FOXB1: variants seen among roughly 807,000 people sequenced by gnomAD.
FOXB1 encodes the protein forkhead box B1, also known as forkhead box protein B1.
In FOXB1, 6 loss-of-function variants were observed where a neutral mutation model predicts 18.6. The ratio of observed to expected loss-of-function variants is 0.32; its 90% CI spans 0.18 to 0.64. FOXB1 has a LOEUF of 0.64. FOXB1 is among the 30% of genes least tolerant of loss of function. The probability of loss-of-function intolerance (pLI) is 0.78; values close to 1 mark genes in which losing one functional copy is unlikely to be tolerated. For synonymous variants in FOXB1, 213 were observed against 216.0 expected, an observed-to-expected ratio of 0.99 and a Z score of 0.12; for missense variants, 419 against 463.6, an observed-to-expected ratio of 0.90 and a Z score of 0.88.
In FOXB1 at chr15:60,005,250, T is replaced by C; in HGVS notation, c.287T>C (p.Met96Thr). ...GCGCTGCACCCAAGCTGCGGGGACA[T>C]GTTCGAGAACGGCAGCTTCCTGCGG... Reference protein sequence around the residue: ...FWALHPSCGDMFENGSFLRRR... With the variant: ...FWALHPSCGDTFENGSFLRRR... The change falls in exon 2 of 2, where the codon ATG becomes ACG. Residue 96 changes from methionine (M) to threonine (T), a missense_variant. Met to Thr is a moderately conservative substitution (Grantham distance 81). Coordinates refer to ENST00000396057, the MANE Select transcript of FOXB1 (RefSeq NM_012182.3). The surrounding 1 kb of genome is among the most constrained non-coding windows in gnomAD (Gnocchi z 9.8). 1.2e-6 allele frequency: 2 copies of C among 1,614,056 alleles called. No individual in the cohort carries two copies. The highest frequency in any genetic ancestry group is 1.1e-5 in the South Asian group (1 of 91,064).
In FOXB1 at chr15:60,006,147, A is replaced by G. The variant is rs1257740155; in HGVS notation, c.*206A>G. 6.2e-6 allele frequency: 4 copies of G among 640,012 alleles called. No homozygotes were observed. The highest frequency in any genetic ancestry group is 3.9e-5 in the African/African-American group (2 of 51,674). 39.6% of individuals were successfully genotyped at this position (640,012 alleles called of 1,614,324 possible). ...GCAGATGGGCCGAGAGGCGCGTGGGAGTTGTCCTCGCCCCCACATCAAGGA... is the reference window on the plus strand; with the variant it reads ...GCAGATGGGCCGAGAGGCGCGTGGGGGTTGTCCTCGCCCCCACATCAAGGA... On this transcript the variant is annotated 3_prime_UTR_variant, in exon 2 of 2. Transcript: ENST00000396057.
Position 60,005,417 on chromosome 15 carries a change from G to C in FOXB1, c.454G>C (p.Ala152Pro). ...ASGTHLPQMP[A>P]AAYNLGGVAQ... is the part of the protein sequence containing the mutation. ...GGGCACGCACCTGCCACAGATGCCC[G>C]CCGCCGCCTACAACTTGGGCGGCGT... The change falls in exon 2 of 2, where the codon GCC becomes CCC. Residue 152 changes from alanine (A) to proline (P), a missense_variant. Ala to Pro is a conservative substitution (Grantham distance 27, BLOSUM62 -1). Coordinates refer to ENST00000396057, the MANE Select transcript of FOXB1 (RefSeq NM_012182.3). This position sits in a 1 kb window ranked among gnomAD's most constrained non-coding sequence, Gnocchi z 9.8. 4 of 1,607,134 alleles carry C rather than the reference G, an allele frequency of 2.5e-6. No individual in the cohort carries two copies. The highest frequency in any genetic ancestry group is 3.4e-6 in the Non-Finnish European group (4 of 1,177,672).
rs1198609343 is a variant in FOXB1 at position 60,005,200 on chromosome 15, C to T, written c.237C>T (p.Asp79=). The stretch of plus-strand genomic sequence containing the variant: ...TCATCAAGATCCCGCGGCGGCCGGA[C>T]CAGCCAGGCAAGGGCAGCTTCTGGG... ...DCFIKIPRRP[D]QPGKGSFWAL... The change falls in exon 2 of 2, where the codon GAC becomes GAT. Residue 79 remains aspartate, a synonymous_variant. Transcript: ENST00000396057. This position sits in a 1 kb window ranked among gnomAD's most constrained non-coding sequence, Gnocchi z 9.8. 1 of 1,614,200 alleles carries T rather than the reference C, an allele frequency of 6.2e-7. No individual in the cohort carries two copies. Among genetic ancestry groups the T allele is most frequent in the Non-Finnish European group, 8.5e-7 (1 of 1,180,048 alleles).
chr15:60,005,059 G>T lies in FOXB1; in HGVS notation c.96G>T (p.Lys32Asn), dbSNP rs1179162865. 1 of 1,606,478 alleles carries T rather than the reference G, an allele frequency of 6.2e-7. No individual in the cohort carries two copies. Among genetic ancestry groups the T allele is most frequent in the Non-Finnish European group, 8.5e-7 (1 of 1,176,986 alleles). The change falls in exon 2 of 2, where the codon AAG (lysine) becomes AAT (asparagine). Residue 32 changes from lysine to asparagine, a missense_variant. This residue lies in a region of FOXB1 where 153 missense variants were observed against 173.8 expected (regional missense o/e 0.88). Coordinates refer to ENST00000396057, the MANE Select transcript of FOXB1 (RefSeq NM_012182.3). The surrounding 1 kb of genome is among the most constrained non-coding windows in gnomAD (Gnocchi z 9.8). Reference sequence around the variant, plus strand: ...TGGCCATCCAGAGCTCTCCCGAGAAGATGCTGCCGCTGAGCGAGATCTACA... The same window carrying T: ...TGGCCATCCAGAGCTCTCCCGAGAATATGCTGCCGCTGAGCGAGATCTACA... ...TAMAIQSSPE[K>N]MLPLSEIYKF...
rs972478504 is a variant in FOXB1, at chr15:60,006,297, G to C, written c.*356G>C. 1.8e-5 allele frequency: 6 copies of C among 332,232 alleles called. No homozygotes were observed. Among genetic ancestry groups the C allele is most frequent in the African/African-American group, 1.1e-4 (5 of 46,046 alleles). 20.6% of individuals were successfully genotyped at this position (332,232 alleles called of 1,614,324 possible). A position where few individuals can be genotyped will look rare whatever the true frequency, so the allele number is the denominator to read the frequency against. ...GAAAAGCGCGTCTTCCCTCCGCCCA[G>C]ATCGGCGGAGCCCCGAACTCTGCGC... On this transcript the variant is annotated 3_prime_UTR_variant, in exon 2 of 2. Coordinates refer to ENST00000396057, the MANE Select transcript of FOXB1 (RefSeq NM_012182.3).
rs1567133629 is a variant in FOXB1, at chr15:60,005,276, C to T, written c.313C>T (p.Arg105Cys). Reference sequence around the variant, plus strand: ...GTTCGAGAACGGCAGCTTCCTGCGGCGCCGCAAGCGCTTCAAGGTGCTTAA... The same window carrying T: ...GTTCGAGAACGGCAGCTTCCTGCGGTGCCGCAAGCGCTTCAAGGTGCTTAA... ...DMFENGSFLR[R>C]RKRFKVLKSD... is the part of the protein sequence containing the mutation. Residue 105 changes from arginine to cysteine, a missense_variant, in exon 2 of 2, where the codon CGC becomes TGC. By Grantham distance (180) the Arg-to-Cys change is radical (BLOSUM62 -3). Transcript: ENST00000396057. The surrounding 1 kb of genome is among the most constrained non-coding windows in gnomAD (Gnocchi z 9.8). 2 of 1,613,658 alleles carry T rather than the reference C, an allele frequency of 1.2e-6. No homozygotes were observed. Among genetic ancestry groups the T allele is most frequent in the South Asian group, 1.1e-5 (1 of 91,066 alleles).
At position 60,005,188 on chromosome 15, in the gene FOXB1, G is replaced by A; in HGVS notation, c.225G>A (p.Pro75=). ...LSFNDCFIKI[P]RRPDQPGKGS... is the part of the protein sequence containing the mutation. ...TCAACGACTGCTTCATCAAGATCCC[G>A]CGGCGGCCGGACCAGCCAGGCAAGG... is the stretch of plus-strand genomic sequence containing the variant. Residue 75 remains proline (P), a synonymous_variant, in exon 2 of 2, where the codon CCG becomes CCA. Coordinates refer to ENST00000396057, the MANE Select transcript of FOXB1 (RefSeq NM_012182.3). This position sits in a 1 kb window ranked among gnomAD's most constrained non-coding sequence, Gnocchi z 9.8. 1.9e-6 allele frequency: 3 copies of A among 1,614,228 alleles called. No individual in the cohort carries two copies. Among genetic ancestry groups the A allele is most frequent in the Non-Finnish European group, 2.5e-6 (3 of 1,180,042 alleles).
rs1330597463 is a variant in FOXB1 at position 60,004,984 on chromosome 15, C to T, written c.21C>T (p.Asn7=). The T allele has an allele frequency of 1.2e-6, 2 of 1,613,266 alleles. No individual in the cohort carries two copies. Among genetic ancestry groups the T allele is most frequent in the South Asian group, 1.1e-5 (1 of 91,024 alleles). The change falls in exon 2 of 2, where the codon AAC becomes AAT. Residue 7 remains asparagine (N), a synonymous_variant. Coordinates refer to ENST00000396057, the MANE Select transcript of FOXB1 (RefSeq NM_012182.3). The part of the protein sequence containing the change: MPRPGR[N]TYSDQKPPYS... ...AGAAGATGCCTCGGCCCGGCCGCAACACGTACAGCGACCAGAAGCCGCCCT... is the reference window on the plus strand; with the variant it reads ...AGAAGATGCCTCGGCCCGGCCGCAATACGTACAGCGACCAGAAGCCGCCCT...
In FOXB1 at chr15:60,005,606, T is replaced by C; in HGVS notation, c.643T>C (p.Trp215Arg). 1 of 1,607,478 alleles carries C rather than the reference T, an allele frequency of 6.2e-7. No homozygotes were observed. Among genetic ancestry groups the C allele is most frequent in the South Asian group, 1.1e-5 (1 of 90,252 alleles). The change falls in exon 2 of 2, where the codon TGG (tryptophan) becomes CGG (arginine). Residue 215 changes from tryptophan to arginine, a missense_variant. By Grantham distance (101) the Trp-to-Arg change is moderately radical. Coordinates refer to ENST00000396057, the MANE Select transcript of FOXB1 (RefSeq NM_012182.3). The surrounding 1 kb of genome is among the most constrained non-coding windows in gnomAD (Gnocchi z 9.8). ...CATGGGCAGCTCGCTGGGCACCGGC[T>C]GGCCACACGTGTATGGCTCCGCCGG... The part of the protein sequence containing the change: ...TTMGSSLGTG[W>R]PHVYGSAGMI...
rs748743103 is a variant in FOXB1, at chr15:60,006,046, G to A, written c.*105G>A. On this transcript the variant is annotated 3_prime_UTR_variant, in exon 2 of 2. Coordinates refer to ENST00000396057, the MANE Select transcript of FOXB1 (RefSeq NM_012182.3). ...CCACCTGGGACCGCCACCCTAACTT[G>A]TTCATTTCACCTTCGGCCAACCCGC... 111 of 1,351,494 alleles carry A rather than the reference G, an allele frequency of 8.2e-5. No individual in the cohort carries two copies. The highest frequency in any genetic ancestry group is 1.7e-4 in the Admixed American group (6 of 36,338). The allele number at this position is 1,351,494 out of a possible 1,614,324, so 83.7% of individuals were successfully genotyped here.
Position 60,004,608 on chromosome 15 carries a change from C to T in FOXB1, c.-93C>T. On this transcript the variant is annotated 5_prime_UTR_variant, in exon 1 of 2. Transcript: ENST00000396057. Reference sequence around the variant, plus strand: ...GAGAAGCGGCGCGCAGCGGCGTCCTCCCGGATGCGGACGCGCAACTTGAAG... The same window carrying T: ...GAGAAGCGGCGCGCAGCGGCGTCCTTCCGGATGCGGACGCGCAACTTGAAG... 1 of 193,458 alleles carries T rather than the reference C, an allele frequency of 5.2e-6. No homozygotes were observed. Among genetic ancestry groups the T allele is most frequent in the Non-Finnish European group, 1.0e-5 (1 of 95,754 alleles). The allele number at this position is 193,458 out of a possible 1,614,324, so 12.0% of individuals were successfully genotyped here. A position where few individuals can be genotyped will look rare whatever the true frequency, so the allele number is the denominator to read the frequency against.
At position 60,005,776 on chromosome 15, in the gene FOXB1, C is replaced by T. The variant is rs779542445; in HGVS notation, c.813C>T (p.Pro271=). Residue 271 remains proline (P), a synonymous_variant, in exon 2 of 2, where the codon CCC becomes CCT. Transcript: ENST00000396057. The surrounding 1 kb of genome is among the most constrained non-coding windows in gnomAD (Gnocchi z 9.8). ...VPIKPTPAAV[P]ALPALPAPIP... is the part of the protein sequence containing the mutation. ...TTAAGCCCACGCCGGCCGCCGTGCC[C>T]GCGCTGCCTGCGCTGCCAGCGCCCA... The T allele has an allele frequency of 1.0e-5, 16 of 1,602,756 alleles. No homozygotes were observed. The highest frequency in any genetic ancestry group is 1.3e-5 in the Non-Finnish European group (15 of 1,177,196).
chr15:60,004,741 C>T, intron 1 of FOXB1, 98 bp downstream of exon 1: 1 of 574,528 alleles, frequency 1.7e-6, no homozygotes, highest in Non-Finnish European at 3.1e-6. Flanking sequence ...TCCCCTCCCG[C>T]GCCCACTAAG....
rs1892088493 is a variant in FOXB1 at position 60,005,798 on chromosome 15, C to G, written c.835C>G (p.Pro279Ala). The change falls in exon 2 of 2, where the codon CCC becomes GCC. Residue 279 changes from proline to alanine, a missense_variant. By Grantham distance (27) the Pro-to-Ala change is conservative (BLOSUM62 -1). Transcript: ENST00000396057. The surrounding 1 kb of genome is among the most constrained non-coding windows in gnomAD (Gnocchi z 9.8). The part of the protein sequence containing the change: ...AVPALPALPA[P>A]IPTLLSNSPP... ...GCCCGCGCTGCCTGCGCTGCCAGCG[C>G]CCATCCCCACCTTGCTCTCGAACTC... The G allele has an allele frequency of 6.2e-7, 1 of 1,605,528 alleles. No homozygotes were observed. The highest frequency in any genetic ancestry group is 1.3e-5 in the African/African-American group (1 of 74,924).
At position 60,006,301 on chromosome 15, in the gene FOXB1, G is replaced by A. The variant is rs563235216; in HGVS notation, c.*360G>A. 3.4e-5 allele frequency: 11 copies of A among 321,004 alleles called. No homozygotes were observed. The highest frequency in any genetic ancestry group is 3.0e-4 in the South Asian group (4 of 13,462). 19.9% of individuals were successfully genotyped at this position (321,004 alleles called of 1,614,324 possible). A position where few individuals can be genotyped will look rare whatever the true frequency, so the allele number is the denominator to read the frequency against. ...AGCGCGTCTTCCCTCCGCCCAGATC[G>A]GCGGAGCCCCGAACTCTGCGCAGTT... is the stretch of plus-strand genomic sequence containing the variant. On this transcript the variant is annotated 3_prime_UTR_variant, in exon 2 of 2. Coordinates refer to ENST00000396057, the MANE Select transcript of FOXB1 (RefSeq NM_012182.3).
intron 1 of FOXB1, 57 bp from the exon 2 acceptor site, chr15:60,004,850 C>T: frequency 1.3e-6 from 1 of 770,386 alleles, no homozygotes; most frequent in Non-Finnish European, 1.8e-6. Flanking sequence ...CTGGCTGACC[C>T]CGCCGGTGTC....
In FOXB1 at chr15:60,004,587, A is replaced by C; in HGVS notation, c.-114A>C. ...CGCGTCGAGTGCGCGCCGAGAGAGA[A>C]GCGGCGCGCAGCGGCGTCCTCCCGG... On this transcript the variant is annotated 5_prime_UTR_variant, in exon 1 of 2. Coordinates refer to ENST00000396057, the MANE Select transcript of FOXB1 (RefSeq NM_012182.3). 2.1e-4 allele frequency: 36 copies of C among 169,726 alleles called. No homozygotes were observed. Among genetic ancestry groups the C allele is most frequent in the Non-Finnish European group, 3.7e-4 (30 of 80,084 alleles). 10.5% of individuals were successfully genotyped at this position (169,726 alleles called of 1,614,324 possible). A position where few individuals can be genotyped will look rare whatever the true frequency, so the allele number is the denominator to read the frequency against.
At position 60,006,016 on chromosome 15, in the gene FOXB1, G is replaced by A. The variant is rs2142156665; in HGVS notation, c.*75G>A. Reference sequence around the variant, plus strand: ...GCCTTCCCTGGCTCCCAGTCCTGCCGGCCCCCACCTGGGACCGCCACCCTA... The same window carrying A: ...GCCTTCCCTGGCTCCCAGTCCTGCCAGCCCCCACCTGGGACCGCCACCCTA... On this transcript the variant is annotated 3_prime_UTR_variant, in exon 2 of 2. Coordinates refer to ENST00000396057, the MANE Select transcript of FOXB1 (RefSeq NM_012182.3). 1 of 1,452,528 alleles carries A rather than the reference G, an allele frequency of 6.9e-7. No individual in the cohort carries two copies. The highest frequency in any genetic ancestry group is 9.1e-7 in the Non-Finnish European group (1 of 1,097,968). The allele number at this position is 1,452,528 out of a possible 1,614,324, so 90.0% of individuals were successfully genotyped here.
chr15:60,004,927 C>G lies in FOXB1; in HGVS notation c.-37C>G, dbSNP rs200748843. The G allele has an allele frequency of 4.9e-5, 78 of 1,582,730 alleles. No individual in the cohort carries two copies. The highest frequency in any genetic ancestry group is 6.4e-5 in the Non-Finnish European group (74 of 1,164,564). On this transcript the variant is annotated 5_prime_UTR_variant, in exon 2 of 2. Coordinates refer to ENST00000396057, the MANE Select transcript of FOXB1 (RefSeq NM_012182.3). ...CCCAGATCCGAGCAGTCCGCCGGCC[C>G]GCGCGGACCCAGAGCAAGAAGAGGG... is the stretch of plus-strand genomic sequence containing the variant.
Sources: allele counts gnomAD v4.1 joint callset, GRCh38; gene constraint gnomAD v4.1.1; regional missense constraint gnomAD v4.1.1; non-coding constraint Gnocchi (gnomAD v3.1); transcripts MANE v1.5; gene names NCBI Gene and HGNC (gene_info 2026-07-23, HGNC 2026-07-21).